MINDY3: variants seen among roughly 807,000 people sequenced by gnomAD.
MINDY3 encodes ubiquitin carboxyl-terminal hydrolase MINDY-3.
Under a neutral mutation model 69.2 loss-of-function variants are expected in MINDY3, and 38 were observed. The observed-to-expected ratio is 0.55, with a 90% CI of 0.42 to 0.72. The LOEUF (loss-of-function observed/expected upper bound fraction) is 0.72, where lower values mean the gene tolerates loss of function less well. Ranked by LOEUF, MINDY3 falls within the 30% of genes least tolerant of loss-of-function variation. The probability of loss-of-function intolerance (pLI) is 0.00; values close to 1 mark genes in which losing one functional copy is unlikely to be tolerated. For missense variants in MINDY3, 522 were observed against 519.0 expected, an observed-to-expected ratio of 1.01 and a Z score of -0.06; for synonymous variants, 192 against 180.1, an observed-to-expected ratio of 1.07 and a Z score of -0.53.
intron 1 of MINDY3, among the ~76,000 whole-genome samples, chr10:15,856,797 G>A (rs1834721675): frequency 6.6e-6 from 1 of 152,188 alleles, no homozygotes; most frequent in Non-Finnish European, 1.5e-5. Context: ...TACTACTTCT[G>A]TTAGGTCTAG....
chr10:15,834,973 A>AT (rs11423907), intron 6 of MINDY3, among the ~76,000 whole-genome samples: 25,162 of 152,022 alleles, frequency 0.17, 5,231 homozygotes, highest in African/African-American at 0.49. Context: ...AAGGCAACTG[A>AT]TTTTTTTAGA....
intron 6 of MINDY3, among the ~76,000 whole-genome samples, chr10:15,835,358 T>C (rs777200029): frequency 3.9e-5 from 6 of 152,122 alleles, no homozygotes; most frequent in Admixed American, 3.9e-4. Flanking sequence ...CCATTGTTTC[T>C]ATCATATTAG....
At chr10:15,780,735 A>G (rs1385738334) in intron 14 of MINDY3, among the ~76,000 whole-genome samples, 1 of 152,198 alleles carries the variant, frequency 6.6e-6, no homozygotes, top group Non-Finnish European at 1.5e-5. Context: ...TAGCTGCTGT[A>G]TATTACTGTC....
chr10:15,850,548 C>A (rs1255634223), intron 1 of MINDY3, among the ~76,000 whole-genome samples: 1 of 152,034 alleles, frequency 6.6e-6, no homozygotes, highest in Non-Finnish European at 1.5e-5. Flanking sequence ...AGATAAGGGA[C>A]GAAATAAGCC....
intron 11 of MINDY3, among the ~76,000 whole-genome samples, chr10:15,794,729 A>G (rs1346710512): frequency 6.6e-6 from 1 of 152,086 alleles, no homozygotes; most frequent in Non-Finnish European, 1.5e-5. Context: ...AAAGAAAATA[A>G]ATAGTACAAG....
intron 10 of MINDY3, among the ~76,000 whole-genome samples, chr10:15,797,139 T>C (rs1279440377): frequency 6.6e-6 from 1 of 152,078 alleles, no homozygotes; most frequent in African/African-American, 2.4e-5. Context: ...ATATCTCACC[T>C]TTACTCTGTT....
intron 1 of MINDY3, chr10:15,857,759 C>T (rs1834796023): frequency 5.8e-6 from 1 of 171,082 alleles, no homozygotes; most frequent in South Asian, 1.9e-4. Context: ...AAATGTCAAG[C>T]CAATTAAAAA....
chr10:15,783,275 T>A (rs1836694685), intron 13 of MINDY3, among the ~76,000 whole-genome samples: 1 of 152,150 alleles, frequency 6.6e-6, no homozygotes, highest in African/African-American at 2.4e-5. Context: ...ATTTTCCCCC[T>A]CACTTATGCC....
At chr10:15,813,441 C>T (rs1381727237) in intron 10 of MINDY3, among the ~76,000 whole-genome samples, 1 of 152,146 alleles carries the variant, frequency 6.6e-6, no homozygotes, top group Admixed American at 6.5e-5. Context: ...GTAAACATCC[C>T]AATTTTCCAA....
chr10:15,843,219 A>T lies in MINDY3; in HGVS notation c.228T>A (p.Asp76Glu), dbSNP rs140855307. 4.7e-5 allele frequency: 75 copies of T among 1,612,696 alleles called. No individual in the cohort carries two copies. In the African/African-American group the frequency reaches 9.3e-4, roughly 20 times the overall value. Residue 76 changes from aspartate (D) to glutamate (E), a missense_variant, in exon 3 of 15, where the codon GAT (aspartate) becomes GAA (glutamate). By Grantham distance (45) the Asp-to-Glu change is conservative. Coordinates refer to ENST00000277632, the MANE Select transcript of MINDY3 (RefSeq NM_024948.4). ...LFSSEKSSWR[D>E]CSEEEQKELL... ...AAAAGACAGCTATCATACCTGAACA[A>T]TCCCGCCAAGAAGACTTCTCCGAAG...
At chr10:15,789,554 C>T (rs550842201) in intron 11 of MINDY3, among the ~76,000 whole-genome samples, 8 of 152,166 alleles carry the variant, frequency 5.3e-5, no homozygotes, top group African/African-American at 7.2e-5. Flanking sequence ...AGAACTCCGA[C>T]GAAAGCTTAA....
chr10:15,793,626 G>A (rs563844565), intron 11 of MINDY3, among the ~76,000 whole-genome samples: 1 of 152,074 alleles, frequency 6.6e-6, no homozygotes, highest in African/African-American at 2.4e-5. Context: ...ACTGGTAGTA[G>A]AGAGAAGGGG....
At position 15,821,711 on chromosome 10, in the gene MINDY3, T is replaced by C. The variant is rs1455858650; in HGVS notation, c.746A>G (p.His249Arg). The C allele has an allele frequency of 5.0e-6, 8 of 1,612,508 alleles. No individual in the cohort carries two copies. Among genetic ancestry groups the C allele is most frequent in the African/African-American group, 1.3e-5 (1 of 74,916 alleles). The change falls in exon 9 of 15, where the codon CAT becomes CGT. Residue 249 changes from histidine (H) to arginine (R), a missense_variant. Physicochemically the swap from His to Arg is conservative, Grantham distance 29. Transcript: ENST00000277632. ...TAAAAATCCTACTGCTGCTTGTTCATGTATACCAAGAAGTTCTGCAAAAAA... is the reference window on the plus strand; with the variant it reads ...TAAAAATCCTACTGCTGCTTGTTCACGTATACCAAGAAGTTCTGCAAAAAA... ...ECSGMKLLGI[H>R]EQAAVGFLTL...
chr10:15,859,310 G>A (rs1834917969), intron 1 of MINDY3, among the ~76,000 whole-genome samples: 1 of 152,100 alleles, frequency 6.6e-6, no homozygotes, highest in Admixed American at 6.6e-5. Flanking sequence ...TCCCTAAATA[G>A]ATGTTTTAAT....
At chr10:15,786,873 A>G (rs141296028) in intron 12 of MINDY3, among the ~76,000 whole-genome samples, 1 of 152,272 alleles carries the variant, frequency 6.6e-6, no homozygotes, top group African/African-American at 2.4e-5. Flanking sequence ...TTAAATTGTG[A>G]TGACTTTGGA....
rs1037972580 is a variant in MINDY3, at chr10:15,840,803, C to T, written c.409+623G>A. On this transcript the variant is annotated intron_variant, in intron 4 of 14. Coordinates refer to ENST00000277632, the MANE Select transcript of MINDY3 (RefSeq NM_024948.4). ...GGCAGCTTTCGGGTCAATTACATAA[C>T]AATTTTCAAAAGTTAAAAACCACAG... Among the ~76,000 whole-genome samples, 6 of 151,598 alleles carry T rather than the reference C, an allele frequency of 4.0e-5. No individual in the cohort carries two copies. In the South Asian group the frequency reaches 6.2e-4, roughly 16 times the overall value.
chr10:15,827,405 G>A (rs991814374), intron 8 of MINDY3, among the ~76,000 whole-genome samples: 9 of 151,864 alleles, frequency 5.9e-5, no homozygotes, highest in Admixed American at 2.6e-4. Context: ...GCTGGGCATG[G>A]TGGCATATAC....
At chr10:15,825,623 C>T (rs1840035855) in intron 8 of MINDY3, among the ~76,000 whole-genome samples, 1 of 152,188 alleles carries the variant, frequency 6.6e-6, no homozygotes, top group Non-Finnish European at 1.5e-5. Context: ...AGACAAGCAC[C>T]AGAGAAACAT....
chr10:15,848,946 C>T (rs1197111476), intron 1 of MINDY3, among the ~76,000 whole-genome samples: 1 of 152,150 alleles, frequency 6.6e-6, no homozygotes. Flanking sequence ...TTCAGCCAAA[C>T]CAGTTCAGGT....
Sources: gnomAD v4.1 joint callset for allele counts (sites outside exome capture counted in the v4.1 genomes callset) on GRCh38, gnomAD v4.1.1 for gene constraint, MANE v1.5 for transcripts, NCBI Gene and HGNC (gene_info 2026-07-23, HGNC 2026-07-21) for gene names.